The following KCTD16 variants were observed in gnomAD, a reference collection of about 807,000 sequenced individuals.
KCTD16 encodes potassium channel tetramerization domain containing 16.
A neutral mutation model predicts 33.2 loss-of-function variants in KCTD16; 13 were observed. The ratio of observed to expected loss-of-function variants is 0.39; its 90% CI spans 0.25 to 0.62. The LOEUF (loss-of-function observed/expected upper bound fraction) is 0.62, where lower values mean the gene tolerates loss of function less well. Ranked by LOEUF, KCTD16 falls within the 20% of genes least tolerant of loss-of-function variation. The pLI is 0.50. For missense variants in KCTD16, 441 were observed against 525.1 expected (o/e 0.84, Z 1.57); for synonymous variants, 197 against 195.3 (o/e 1.01, Z -0.07).
At chr5:144,262,600 C>T (rs1755042914) in intron 3 of KCTD16, among the ~76,000 whole-genome samples, 1 of 152,224 alleles carries the variant, frequency 6.6e-6, no homozygotes. Flanking sequence ...ACTATGTGCT[C>T]TTCTCATTTT....
At chr5:144,299,910 A>AAAC (rs1554085926) in intron 3 of KCTD16, among the ~76,000 whole-genome samples, 23 of 147,278 alleles carry the variant, frequency 1.6e-4, no homozygotes, top group African/African-American at 6.1e-4. Flanking sequence ...AAAAAAAAAA[A>AAAC]AAAAACAAAA....
At chr5:144,404,576 C>T (rs969618670) in intron 3 of KCTD16, among the ~76,000 whole-genome samples, 8 of 152,004 alleles carry the variant, frequency 5.3e-5, no homozygotes, top group African/African-American at 1.7e-4. Context: ...TGGCATATGT[C>T]GACATGCTTT....
chr5:144,212,439 G>T (rs1269637619), intron 3 of KCTD16, among the ~76,000 whole-genome samples: 3 of 152,100 alleles, frequency 2.0e-5, no homozygotes, highest in Non-Finnish European at 4.4e-5. Flanking sequence ...AAAAGGAGAG[G>T]TCTCTGAAGT....
Position 144,387,121 on chromosome 5 carries a change from C to T in KCTD16, c.833-86539C>T, listed in dbSNP as rs1018958161. ...AGCTGTGACTACAGGCATGCGCCAC[C>T]TCACCAGGCTAATTTAATTTTTTTT... On this transcript the variant is annotated intron_variant, in intron 3 of 3. Coordinates refer to ENST00000512467, the MANE Select transcript of KCTD16 (RefSeq NM_020768.4). Among the ~76,000 whole-genome samples the T allele has an allele frequency of 2.7e-4, 41 of 150,868 alleles. No individual in the cohort carries two copies. In the Admixed American group the frequency reaches 2.7e-3, roughly 10 times the overall value.
chr5:144,276,622 C>T lies in KCTD16; in HGVS notation c.832+69076C>T, dbSNP rs939803135. ...TTCATTCCCTATTGAAACTCTATCT[C>T]GCCGGGCACGATGGCTCACGCCTGT... On this transcript the variant is annotated intron_variant, in intron 3 of 3. Coordinates refer to ENST00000512467, the MANE Select transcript of KCTD16 (RefSeq NM_020768.4). Among the ~76,000 whole-genome samples, 4 of 152,244 alleles carry T rather than the reference C, an allele frequency of 2.6e-5. No individual in the cohort carries two copies. In the East Asian group the frequency reaches 7.7e-4, roughly 29 times the overall value.
At chr5:144,176,086 C>G (rs1353536869) in intron 2 of KCTD16, among the ~76,000 whole-genome samples, 1 of 152,126 alleles carries the variant, frequency 6.6e-6, no homozygotes. Context: ...AAATTTTAGT[C>G]TCATAAGTAT....
intron 3 of KCTD16, among the ~76,000 whole-genome samples, chr5:144,242,875 AC>A (rs1349962011): frequency 1.3e-5 from 2 of 151,920 alleles, no homozygotes; most frequent in Non-Finnish European, 2.9e-5. Flanking sequence ...ATGACCTAAG[AC>A]CTCCCATTGG....
intron 3 of KCTD16, among the ~76,000 whole-genome samples, chr5:144,436,441 G>A (rs35556389): frequency 0.017 from 2,635 of 152,198 alleles, 45 homozygotes; most frequent in Middle Eastern, 0.044. Flanking sequence ...TAGAGGATTG[G>A]CCTCACGGAA....
intron 3 of KCTD16, among the ~76,000 whole-genome samples, chr5:144,309,007 A>G (rs1363520773): frequency 6.6e-6 from 1 of 152,140 alleles, no homozygotes; most frequent in Non-Finnish European, 1.5e-5. Context: ...AGCCAAAACC[A>G]CACAGATTGT....
intron 3 of KCTD16, among the ~76,000 whole-genome samples, chr5:144,337,788 T>C (rs982362495): frequency 4.6e-5 from 7 of 152,216 alleles, no homozygotes; most frequent in Non-Finnish European, 8.8e-5. Flanking sequence ...AGCCCTGATC[T>C]ATCTATACAT....
chr5:144,389,358 C>T (rs76687785), intron 3 of KCTD16, among the ~76,000 whole-genome samples: 8,503 of 152,074 alleles, frequency 0.056, 782 homozygotes, highest in African/African-American at 0.19. Context: ...CTGAGCCCCA[C>T]CTCCTGTCAG....
intron 3 of KCTD16, among the ~76,000 whole-genome samples, chr5:144,236,143 A>T (rs1419279382): frequency 6.6e-6 from 1 of 152,184 alleles, no homozygotes; most frequent in Non-Finnish European, 1.5e-5. Context: ...GTCTCTGTTC[A>T]TGAGGTGGTG....
chr5:144,455,320 T>A (rs766575763), intron 3 of KCTD16, among the ~76,000 whole-genome samples: 2 of 152,170 alleles, frequency 1.3e-5, no homozygotes, highest in Non-Finnish European at 2.9e-5. Context: ...TGTGCCATAC[T>A]TAATGGGTCA....
chr5:144,341,065 C>CA (rs1220466717), intron 3 of KCTD16, among the ~76,000 whole-genome samples: 2 of 151,888 alleles, frequency 1.3e-5, no homozygotes, highest in Admixed American at 6.6e-5. Context: ...AACAAAAAAA[C>CA]AAAAAACAAA....
chr5:144,188,773 A>G (rs1161582205), intron 2 of KCTD16, among the ~76,000 whole-genome samples: 2 of 152,236 alleles, frequency 1.3e-5, no homozygotes, highest in Non-Finnish European at 2.9e-5. Flanking sequence ...GGTCAGCTTG[A>G]AAACACCAAA....
At chr5:144,183,624 C>T (rs371497844) in intron 2 of KCTD16, among the ~76,000 whole-genome samples, 2 of 152,124 alleles carry the variant, frequency 1.3e-5, no homozygotes, top group African/African-American at 4.8e-5. Context: ...AGAAAACTCG[C>T]GGGACTAGTC....
chr5:144,290,607 A>T (rs1755869804), intron 3 of KCTD16, among the ~76,000 whole-genome samples: 1 of 152,246 alleles, frequency 6.6e-6, no homozygotes, highest in South Asian at 2.1e-4. Context: ...CTATATCAAT[A>T]AGATCTTTCC....
chr5:144,443,881 A>T (rs986367336), intron 3 of KCTD16, among the ~76,000 whole-genome samples: 1 of 152,118 alleles, frequency 6.6e-6, no homozygotes, highest in Non-Finnish European at 1.5e-5. Flanking sequence ...ACAGGCATGC[A>T]ATAAGCAATA....
At chr5:144,350,311 C>A (rs1215415637) in intron 3 of KCTD16, among the ~76,000 whole-genome samples, 1 of 152,060 alleles carries the variant, frequency 6.6e-6, no homozygotes, top group African/African-American at 2.4e-5. Flanking sequence ...GAACTGCAAA[C>A]ACAAGGCCTG....
Sources: allele counts gnomAD v4.1 joint callset (sites outside exome capture counted in the v4.1 genomes callset), GRCh38; gene constraint gnomAD v4.1.1; transcripts MANE v1.5; gene names NCBI Gene and HGNC (gene_info 2026-07-23, HGNC 2026-07-21).